The following ABCC5 variants were observed in gnomAD, a reference collection of about 807,000 sequenced individuals.
ABCC5 encodes the protein ATP-binding cassette sub-family C member 5.
Under a neutral mutation model 160.9 loss-of-function variants are expected in ABCC5, and 61 were observed. That is an observed-to-expected ratio of 0.38 (90% CI 0.31 to 0.47). The LOEUF (loss-of-function observed/expected upper bound fraction) is 0.47, where lower values mean the gene tolerates loss of function less well. Ranked by LOEUF, ABCC5 falls within the 20% of genes least tolerant of loss-of-function variation. The pLI is 0.99. For missense variants in ABCC5, 1,308 were observed against 1,813.3 expected, an observed-to-expected ratio of 0.72 and a Z score of 5.06; for synonymous variants, 666 against 700.6, an observed-to-expected ratio of 0.95 and a Z score of 0.78.
In ABCC5 at chr3:183,987,954, C is replaced by T. The variant is rs370314052; in HGVS notation, c.444-37G>A. ...CACACGTCCTCGTTACACATCTCCT[C>T]GGGGGAAAGGCACACCTAGCTCCCC... On this transcript the variant is annotated intron_variant, in intron 4 of 29. Coordinates refer to ENST00000334444, the MANE Select transcript of ABCC5 (RefSeq NM_005688.4). The surrounding 1 kb of genome is among the most constrained non-coding windows in gnomAD (Gnocchi z 4.2). 5 of 1,604,730 alleles carry T rather than the reference C, an allele frequency of 3.1e-6. No homozygotes were observed. Among genetic ancestry groups the T allele is most frequent in the Middle Eastern group, 1.9e-4 (1 of 5,278 alleles).
chr3:184,006,175 C>G (rs1379766890), intron 2 of ABCC5, among the ~76,000 whole-genome samples: 1 of 151,966 alleles, frequency 6.6e-6, no homozygotes, highest in African/African-American at 2.4e-5. Flanking sequence ...TTACCTCAGC[C>G]GGAGATCTCT....
At position 183,921,037 on chromosome 3, in the gene ABCC5, T is replaced by C; in HGVS notation, c.*263A>G. 6.1e-6 allele frequency: 2 copies of C among 329,196 alleles called. No individual in the cohort carries two copies. The highest frequency in any genetic ancestry group is 5.5e-6 in the Non-Finnish European group (1 of 180,538). The allele number at this position is 329,196 out of a possible 1,614,324, so 20.4% of individuals were successfully genotyped here. On this transcript the variant is annotated 3_prime_UTR_variant, in exon 30 of 30. Coordinates refer to ENST00000334444, the MANE Select transcript of ABCC5 (RefSeq NM_005688.4). This position sits in a 1 kb window ranked among gnomAD's most constrained non-coding sequence, Gnocchi z 4.1. The stretch of plus-strand genomic sequence containing the variant: ...ATAAAGCTTCATTATAGGCCTCTGA[T>C]ACAATTATAATAACGGTTCCCTGAA...
chr3:183,920,563 G>C lies in ABCC5; in HGVS notation c.*737C>G, dbSNP rs1711872723. The C allele has an allele frequency of 6.5e-6, 1 of 152,710 alleles. No individual in the cohort carries two copies. The highest frequency in any genetic ancestry group is 6.5e-5 in the Admixed American group (1 of 15,290). The allele number at this position is 152,710 out of a possible 1,614,324, so 9.5% of individuals were successfully genotyped here. The stretch of plus-strand genomic sequence containing the variant: ...GAATGTCTCTGTGATCCCCATTCTT[G>C]ATGGAGGGAGTGAAAAGGGGCCTGG... On this transcript the variant is annotated 3_prime_UTR_variant, in exon 30 of 30. Transcript: ENST00000334444. This position sits in a 1 kb window ranked among gnomAD's most constrained non-coding sequence, Gnocchi z 4.1.
At chr3:183,954,156 G>T (rs1447463013) in intron 17 of ABCC5, among the ~76,000 whole-genome samples, 3 of 151,048 alleles carry the variant, frequency 2.0e-5, no homozygotes, top group South Asian at 2.1e-4. Context: ...TTGTGTGTGT[G>T]TTTTTTTTTG....
chr3:184,004,867 T>C (rs926064609), intron 2 of ABCC5, among the ~76,000 whole-genome samples: 27 of 152,246 alleles, frequency 1.8e-4, no homozygotes, highest in African/African-American at 6.3e-4. Context: ...GTGTAGTTTA[T>C]CTCTAAAAGC....
intron 2 of ABCC5, chr3:184,001,357 G>T: frequency 2.3e-6 from 1 of 432,264 alleles, no homozygotes; most frequent in Admixed American, 3.8e-5. Flanking sequence ...AAAATTATTA[G>T]GTATTTTACA....
chr3:184,002,714 T>A (rs1409465029), intron 2 of ABCC5, among the ~76,000 whole-genome samples: 1 of 152,224 alleles, frequency 6.6e-6, no homozygotes, highest in Admixed American at 6.5e-5. Context: ...GCTTTTCCCC[T>A]GCACGGAGGC....
chr3:183,923,008 G>C (rs775440958), intron 29 of ABCC5, among the ~76,000 whole-genome samples: 4 of 152,170 alleles, frequency 2.6e-5, no homozygotes, highest in Non-Finnish European at 5.9e-5. Context: ...CTGGTATTTT[G>C]TGTCTGCGGC....
rs751011356 is a variant in ABCC5, at chr3:183,978,520, C to T, written c.1279G>A (p.Asp427Asn). The T allele has an allele frequency of 1.4e-5, 22 of 1,613,750 alleles. No individual in the cohort carries two copies. The East Asian group carries it at 1.6e-4, about 11-fold the overall frequency. ...TFSVHMTLGF[D>N]LTAAQAFTVV... ...TCCCTGACCTGTGCTGCTGTCAGAT[C>T]GAAGCCCAGGGTCATATGAACAGAG... The change falls in exon 9 of 30, where the codon GAT becomes AAT. Residue 427 changes from aspartate to asparagine, a missense_variant. Around this residue, in one of 3 missense-constraint regions of ABCC5, gnomAD observed 1,142 missense variants for 1,527.1 expected, o/e 0.75. Coordinates refer to ENST00000334444, the MANE Select transcript of ABCC5 (RefSeq NM_005688.4).
At chr3:183,923,936 C>T (rs187003828) in intron 29 of ABCC5, among the ~76,000 whole-genome samples, 3 of 150,894 alleles carry the variant, frequency 2.0e-5, no homozygotes, top group Admixed American at 1.3e-4. Flanking sequence ...GCTGGCAGTG[C>T]GGTTGCTGGC....
intron 10 of ABCC5, among the ~76,000 whole-genome samples, chr3:183,976,530 C>T (rs1490045071): frequency 2.0e-5 from 3 of 152,170 alleles, no homozygotes; most frequent in Admixed American, 2.0e-4. Flanking sequence ...GCTGGGATTA[C>T]AGGTGTGAGC....
At position 184,013,534 on chromosome 3, in the gene ABCC5, A is replaced by G. The variant is rs532351906; in HGVS notation, c.129+730T>C. Among the ~76,000 whole-genome samples the G allele has an allele frequency of 8.5e-5, 13 of 152,230 alleles. No homozygotes were observed. In the South Asian group the frequency reaches 2.5e-3, roughly 29 times the overall value. On this transcript the variant is annotated intron_variant, in intron 2 of 29. Coordinates refer to ENST00000334444, the MANE Select transcript of ABCC5 (RefSeq NM_005688.4). ...CTCCCAAAGTGCTGGGATTACAAGC[A>G]TGAGCCACTGTGCCTGGCCAGGTTC...
At chr3:184,003,494 TGGGGAAGAAG>T (rs1720920631) in intron 2 of ABCC5, among the ~76,000 whole-genome samples, 1 of 152,082 alleles carries the variant, frequency 6.6e-6, no homozygotes, top group Non-Finnish European at 1.5e-5. Flanking sequence ...CCAACCTATA[TGGGGAAGAAG>T]CAGAATACAA....
Position 183,925,695 on chromosome 3 carries a change from C to T in ABCC5, c.4072G>A (p.Ala1358Thr). 6.2e-7 allele frequency: 1 copy of T among 1,613,120 alleles called. No individual in the cohort carries two copies. The highest frequency in any genetic ancestry group is 1.7e-5 in the Admixed American group (1 of 59,574). ...AAGTCTGTCTCTGTGTCCATGGCAG[C>T]TGTGGCTTCATCTAAAATCAGAATC... ...CKILILDEAT[A>T]AMDTETDLLI... Residue 1358 changes from alanine to threonine, a missense_variant, in exon 29 of 30, where the codon GCT becomes ACT. Around this residue, in one of 3 missense-constraint regions of ABCC5, gnomAD observed 163 missense variants for 269.7 expected, o/e 0.60. Coordinates refer to ENST00000334444, the MANE Select transcript of ABCC5 (RefSeq NM_005688.4).
chr3:183,928,692 G>A, intron 27 of ABCC5, 55 bp downstream of exon 27: 1 of 1,525,164 alleles, frequency 6.6e-7, no homozygotes, highest in East Asian at 2.2e-5. Context: ...CAAGGGCACT[G>A]CTGTGCTTCC....
chr3:184,010,886 C>T (rs373003648), intron 2 of ABCC5, among the ~76,000 whole-genome samples: 15 of 151,104 alleles, frequency 9.9e-5, no homozygotes, highest in African/African-American at 3.4e-4. Context: ...CAACTTCCGC[C>T]TCTCAGGTTC....
chr3:183,928,379 T>C (rs1043107878), intron 27 of ABCC5, among the ~76,000 whole-genome samples: 1 of 152,194 alleles, frequency 6.6e-6, no homozygotes, highest in African/African-American at 2.4e-5. Context: ...CCCAAAGTGC[T>C]GGGATTACAG....
intron 2 of ABCC5, among the ~76,000 whole-genome samples, chr3:184,004,775 A>G (rs963105074): frequency 5.3e-5 from 8 of 152,194 alleles, no homozygotes; most frequent in African/African-American, 1.7e-4. Flanking sequence ...ATAATACCAA[A>G]GAAAAGTAAA....
intron 2 of ABCC5, among the ~76,000 whole-genome samples, chr3:183,994,640 C>T (rs1720096982): frequency 6.6e-6 from 1 of 152,176 alleles, no homozygotes; most frequent in African/African-American, 2.4e-5. Context: ...TCCCAAAGTG[C>T]TGGGATTACA....
Sources: allele counts gnomAD v4.1 joint callset (sites outside exome capture counted in the v4.1 genomes callset), GRCh38; gene constraint gnomAD v4.1.1; regional missense constraint gnomAD v4.1.1; non-coding constraint Gnocchi (gnomAD v3.1); transcripts MANE v1.5; gene names NCBI Gene and HGNC (gene_info 2026-07-23, HGNC 2026-07-21).